Variants in CNTD1 observed in about 807,000 individuals in gnomAD.
The protein encoded by CNTD1 is cyclin N-terminal domain-containing protein 1.
Under a neutral mutation model 36.3 loss-of-function variants are expected in CNTD1, and 17 were observed. That is an observed-to-expected ratio of 0.47 (90% CI 0.32 to 0.70). The LOEUF is 0.70. Ranked by LOEUF, CNTD1 falls within the 30% of genes least tolerant of loss-of-function variation. CNTD1 has a pLI of 0.03. For missense variants in CNTD1, 338 were observed against 386.1 expected, an observed-to-expected ratio of 0.88 and a Z score of 1.04; for synonymous variants, 128 against 153.3, an observed-to-expected ratio of 0.83 and a Z score of 1.22.
intron 1 of CNTD1, among the ~76,000 whole-genome samples, chr17:42,801,540 TATATATA>T (rs1209583137): frequency 2.2e-3 from 146 of 65,112 alleles, no homozygotes; most frequent in African/African-American, 0.01. Context: ...TATATATATA[TATATATA>T]ATATATGTGT....
At chr17:42,799,469 G>C (rs1319031088) in intron 1 of CNTD1, among the ~76,000 whole-genome samples, 1 of 152,044 alleles carries the variant, frequency 6.6e-6, no homozygotes, top group Admixed American at 6.5e-5. Flanking sequence ...ATGAAATAGA[G>C]GGCCAGGCAT....
In CNTD1 at chr17:42,799,080, A is replaced by G. The variant is rs757267570; in HGVS notation, c.13A>G (p.Met5Val). The G allele has an allele frequency of 6.2e-7, 1 of 1,613,942 alleles. No individual in the cohort carries two copies. The highest frequency in any genetic ancestry group is 1.7e-5 in the Admixed American group (1 of 60,030). Residue 5 changes from methionine to valine, a missense_variant, in exon 1 of 7, where the codon ATG (methionine) becomes GTG (valine). By Grantham distance (21) the Met-to-Val change is conservative. Coordinates refer to ENST00000588408, the MANE Select transcript of CNTD1 (RefSeq NM_173478.3). The part of the protein sequence containing the change: MDGP[M>V]RPRSASLVDF... ...GAGGCTCGTGAATATGGACGGACCC[A>G]TGAGGCCACGATCGGCCTCCCTCGT...
At chr17:42,806,331 G>A (rs1199972124) in intron 4 of CNTD1, among the ~76,000 whole-genome samples, 2 of 152,066 alleles carry the variant, frequency 1.3e-5, no homozygotes, top group Non-Finnish European at 2.9e-5. Flanking sequence ...TGAAACAGGT[G>A]TTCCCTCCGG....
Position 42,803,757 on chromosome 17 carries a change from C to CT in CNTD1, c.245+65dup. 6.1e-6 allele frequency: 8 copies of CT among 1,312,748 alleles called. No homozygotes were observed. The South Asian group carries it at 8.7e-5, about 14-fold the overall frequency. The allele number at this position is 1,312,748 out of a possible 1,614,324, so 81.3% of individuals were successfully genotyped here. On this transcript the variant is annotated intron_variant, in intron 2 of 6. Transcript: ENST00000588408. ...CTCAGAGTGGCTAATGTACCTACAT[C>CT]TTTAAGAAAGTATGAGTAGTTGCCC...
In CNTD1 at chr17:42,799,187, G is replaced by T. The variant is rs145896591; in HGVS notation, c.120G>T (p.Val40=). 7.7e-5 allele frequency: 125 copies of T among 1,614,150 alleles called. No homozygotes were observed. Among genetic ancestry groups the T allele is most frequent in the African/African-American group, 3.6e-4 (27 of 75,052 alleles). ...TGGCCCAGCAGAATGAGCAAGCAGT[G>T]AGGGAGGCTTCGGGGCGGCTGGGCC... The part of the protein sequence containing the change: ...LHLAQQNEQA[V]REASGRLGRF... Residue 40 remains valine (V), a synonymous_variant, in exon 1 of 7, where the codon GTG becomes GTT. Transcript: ENST00000588408.
chr17:42,805,997 G>A, intron 4 of CNTD1, 113 bp downstream of exon 4: 1 of 997,964 alleles, frequency 1.0e-6, no homozygotes, highest in Non-Finnish European at 1.4e-6. Flanking sequence ...GGAGGCTGAG[G>A]TAGGTGGATC....
At chr17:42,806,243 G>A (rs2054877245) in intron 4 of CNTD1, among the ~76,000 whole-genome samples, 1 of 148,958 alleles carries the variant, frequency 6.7e-6, no homozygotes, top group Admixed American at 6.6e-5. Context: ...AAAAAAAAAT[G>A]TGCACAGGGG....
chr17:42,805,664 G>C (rs1327097149), intron 3 of CNTD1, 58 bp from the exon 4 acceptor site: 4 of 1,486,838 alleles, frequency 2.7e-6, no homozygotes, highest in Non-Finnish European at 2.8e-6. Flanking sequence ...TGTGCACTCT[G>C]TCAAGACGTA....
rs1389602984 is a variant in CNTD1 at position 42,803,673 on chromosome 17, C to G, written c.223C>G (p.Gln75Glu). 1.9e-6 allele frequency: 3 copies of G among 1,613,982 alleles called. No individual in the cohort carries two copies. The highest frequency in any genetic ancestry group is 2.5e-6 in the Non-Finnish European group (3 of 1,179,910). The change falls in exon 2 of 7, where the codon CAG becomes GAG. Residue 75 changes from glutamine (Q) to glutamate (E), a missense_variant. Physicochemically the swap from Gln to Glu is conservative, Grantham distance 29. Coordinates refer to ENST00000588408, the MANE Select transcript of CNTD1 (RefSeq NM_173478.3). ...GTGTCTGGAGAAATCTGTGAGCTAC[C>G]AGGCTGTAGAAATCCTAGAAAGGTA... ...QWCLEKSVSYQAVEILERFMV... is the reference protein window; with the variant it reads ...QWCLEKSVSYEAVEILERFMV...
intron 1 of CNTD1, among the ~76,000 whole-genome samples, chr17:42,800,069 T>TAAAAAAAAAAAA (rs769118587): frequency 1.6e-5 from 1 of 63,958 alleles, no homozygotes. Context: ...AGACTCTGTC[T>TAAAAAAAAAAAA]AAAAAAAAAA....
At position 42,799,161 on chromosome 17, in the gene CNTD1, T is replaced by C. The variant is rs2054727878; in HGVS notation, c.94T>C (p.Leu32=). The change falls in exon 1 of 7, where the codon TTG becomes CTG. Residue 32 remains leucine, a synonymous_variant. Coordinates refer to ENST00000588408, the MANE Select transcript of CNTD1 (RefSeq NM_173478.3). ...GACGATTGAAGACGCCCTGCTTCAC[T>C]TGGCCCAGCAGAATGAGCAAGCAGT... The part of the protein sequence containing the change: ...TETIEDALLH[L]AQQNEQAVRE... The C allele has an allele frequency of 1.2e-6, 2 of 1,614,058 alleles. No homozygotes were observed. Among genetic ancestry groups the C allele is most frequent in the South Asian group, 1.1e-5 (1 of 91,072 alleles).
At chr17:42,808,396 A>T (rs946045988) in intron 6 of CNTD1, among the ~76,000 whole-genome samples, 2 of 151,236 alleles carry the variant, frequency 1.3e-5, no homozygotes, top group African/African-American at 4.9e-5. Context: ...CAAAAATTTT[A>T]AAAAATTAGC....
rs767611711 is a variant in CNTD1, at chr17:42,799,193, G to A, written c.126G>A (p.Glu42=). The change falls in exon 1 of 7, where the codon GAG becomes GAA. Residue 42 remains glutamate (E), a synonymous_variant. Transcript: ENST00000588408. ...AGCAGAATGAGCAAGCAGTGAGGGA[G>A]GCTTCGGGGCGGCTGGGCCGCTTCA... ...LAQQNEQAVR[E]ASGRLGRFRE... 3.7e-6 allele frequency: 6 copies of A among 1,614,012 alleles called. No homozygotes were observed. Among genetic ancestry groups the A allele is most frequent in the Non-Finnish European group, 5.1e-6 (6 of 1,180,016 alleles).
chr17:42,807,283 C>T (rs1045282940), intron 5 of CNTD1, among the ~76,000 whole-genome samples: 1 of 152,004 alleles, frequency 6.6e-6, no homozygotes. Flanking sequence ...GGCGTGGTGG[C>T]GGGCACCTGT....
rs756720814 is a variant in CNTD1 at position 42,810,738 on chromosome 17, A to C, written c.*1203A>C. The C allele has an allele frequency of 1.9e-6, 3 of 1,580,536 alleles. No homozygotes were observed. The highest frequency in any genetic ancestry group is 1.9e-5 in the Admixed American group (1 of 53,396). On this transcript the variant is annotated 3_prime_UTR_variant, in exon 7 of 7. Transcript: ENST00000588408. ...AACAAAATTAAAAGCCTTTAAGGCA[A>C]ACCTCCCCCTAAGGAAAAAAGTCAT... is the stretch of plus-strand genomic sequence containing the variant.
At chr17:42,806,081 A>G (rs2054874355) in intron 4 of CNTD1, among the ~76,000 whole-genome samples, 197 bp downstream of exon 4, 1 of 152,146 alleles carries the variant, frequency 6.6e-6, no homozygotes, top group Non-Finnish European at 1.5e-5. Context: ...TACAAAAATT[A>G]GCTGGGTGTG....
chr17:42,809,388 C>T lies in CNTD1; in HGVS notation c.846C>T (p.Ile282=), dbSNP rs2054945789. The part of the protein sequence containing the change: ...WSQVVGHLQS[I]TGIALASIAE... ...AGGTTGTGGGGCATTTGCAGAGCAT[C>T]ACTGGTATTGCCTTGGCAAGCATTG... Residue 282 remains isoleucine (I), a synonymous_variant, in exon 7 of 7, where the codon ATC becomes ATT. Coordinates refer to ENST00000588408, the MANE Select transcript of CNTD1 (RefSeq NM_173478.3). The T allele has an allele frequency of 9.3e-6, 15 of 1,613,646 alleles. No individual in the cohort carries two copies. The East Asian group carries it at 3.3e-4, about 36-fold the overall frequency.
At chr17:42,805,094 C>G (rs1456381352) in intron 3 of CNTD1, among the ~76,000 whole-genome samples, 1 of 152,094 alleles carries the variant, frequency 6.6e-6, no homozygotes, top group African/African-American at 2.4e-5. Flanking sequence ...GCCTGAATTG[C>G]CAGCATACCT....
intron 1 of CNTD1, among the ~76,000 whole-genome samples, chr17:42,802,195 C>G (rs890084191): frequency 6.6e-6 from 1 of 151,674 alleles, no homozygotes; most frequent in Middle Eastern, 3.2e-3. Context: ...AGGACAATCC[C>G]GTCTATTTAT....
Sources: gnomAD v4.1 joint callset for allele counts (sites outside exome capture counted in the v4.1 genomes callset) on GRCh38, gnomAD v4.1.1 for gene constraint, MANE v1.5 for transcripts, NCBI Gene and HGNC (gene_info 2026-07-23, HGNC 2026-07-21) for gene names.